RAD51B: variants seen among roughly 807,000 people sequenced by gnomAD.
The protein encoded by RAD51B is DNA repair protein RAD51 homolog 2.
Under a neutral mutation model 42.2 loss-of-function variants are expected in RAD51B, and 38 were observed. That is an observed-to-expected ratio of 0.90 (90% confidence interval 0.70 to 1.18). The LOEUF (loss-of-function observed/expected upper bound fraction) is 1.18, where lower values mean the gene tolerates loss of function less well. Ranked by LOEUF, RAD51B falls within the 50% of genes most tolerant of loss-of-function variation. The pLI is 0.00. For synonymous variants in RAD51B, 154 were observed against 145.2 expected, an observed-to-expected ratio of 1.06 and a Z score of -0.43; for missense variants, 373 against 400.7, an observed-to-expected ratio of 0.93 and a Z score of 0.59.
At chr14:67,966,556 C>T (rs1359796668) in intron 7 of RAD51B, among the ~76,000 whole-genome samples, 1 of 152,228 alleles carries the variant, frequency 6.6e-6, no homozygotes, top group Non-Finnish European at 1.5e-5. Context: ...TCCCAGCTGC[C>T]TACCCACCAA....
intron 10 of RAD51B, among the ~76,000 whole-genome samples, chr14:68,647,411 G>A (rs1324844722): frequency 4.6e-5 from 7 of 151,980 alleles, no homozygotes; most frequent in African/African-American, 1.7e-4. Context: ...TAAGATAGAG[G>A]TATTTTTGTA....
chr14:68,465,953 AAT>A (rs1421379376), intron 9 of RAD51B, among the ~76,000 whole-genome samples: 792 of 37,074 alleles, frequency 0.021, 13 homozygotes, highest in Admixed American at 0.098. Context: ...AAAAAAAAAA[AAT>A]AAATAAATAA....
chr14:68,024,984 G>A (rs1468047496), intron 7 of RAD51B, among the ~76,000 whole-genome samples: 1 of 151,988 alleles, frequency 6.6e-6, no homozygotes, highest in Admixed American at 6.6e-5. Context: ...TTGGCTGTGG[G>A]TTTGTCATAG....
chr14:68,517,014 A>C (rs903316611), intron 10 of RAD51B, among the ~76,000 whole-genome samples: 16 of 152,154 alleles, frequency 1.1e-4, no homozygotes, highest in African/African-American at 3.6e-4. Context: ...CATTTTTGAG[A>C]AAATGCCTGT....
intron 7 of RAD51B, among the ~76,000 whole-genome samples, chr14:68,024,453 C>A (rs563793550): frequency 2.6e-4 from 40 of 152,242 alleles, no homozygotes; most frequent in Middle Eastern, 3.4e-3. Context: ...TATATTGATT[C>A]TTCCAATTCA....
chr14:68,350,010 CT>C (rs1163561744), intron 8 of RAD51B, among the ~76,000 whole-genome samples: 3 of 152,210 alleles, frequency 2.0e-5, no homozygotes, highest in Non-Finnish European at 4.4e-5. Flanking sequence ...AAATCGGTGT[CT>C]TTGAAATCAA....
intron 8 of RAD51B, among the ~76,000 whole-genome samples, chr14:68,409,783 C>A (rs184506965): frequency 7.9e-5 from 12 of 152,336 alleles, no homozygotes; most frequent in Admixed American, 5.2e-4. Context: ...TGAAGGACTA[C>A]TGAAGGCATT....
chr14:68,072,235 CTA>C (rs894764530), intron 7 of RAD51B, among the ~76,000 whole-genome samples: 3 of 135,796 alleles, frequency 2.2e-5, no homozygotes, highest in South Asian at 2.3e-4. Flanking sequence ...AAATAAACTC[CTA>C]TATATATAAT....
intron 8 of RAD51B, among the ~76,000 whole-genome samples, chr14:68,349,213 C>T (rs955005571): frequency 1.3e-5 from 2 of 152,056 alleles, no homozygotes; most frequent in Non-Finnish European, 2.9e-5. Flanking sequence ...AGATGGACCT[C>T]ATTTGACATA....
chr14:68,531,556 TA>T (rs1461462109), intron 10 of RAD51B, among the ~76,000 whole-genome samples: 1 of 152,138 alleles, frequency 6.6e-6, no homozygotes, highest in Non-Finnish European at 1.5e-5. Flanking sequence ...TATATGCCCC[TA>T]AAAACATAAC....
intron 7 of RAD51B, among the ~76,000 whole-genome samples, chr14:68,017,915 G>C (rs1407341248): frequency 6.6e-6 from 1 of 152,092 alleles, no homozygotes; most frequent in Non-Finnish European, 1.5e-5. Flanking sequence ...AGATTGCAGT[G>C]AGCTGAGATC....
At chr14:68,184,601 C>A (rs1293052044) in intron 7 of RAD51B, among the ~76,000 whole-genome samples, 2 of 120,444 alleles carry the variant, frequency 1.7e-5, no homozygotes, top group African/African-American at 3.1e-5. Context: ...TAGAGCAAGG[C>A]CCTGTCTAAA....
At chr14:68,584,540 C>T (rs2140064986) in intron 10 of RAD51B, among the ~76,000 whole-genome samples, 1 of 152,330 alleles carries the variant, frequency 6.6e-6, no homozygotes, top group African/African-American at 2.4e-5. Flanking sequence ...CCCAATGTTT[C>T]CTCACCTCCA....
intron 8 of RAD51B, among the ~76,000 whole-genome samples, chr14:68,308,119 G>A (rs906710196): frequency 2.3e-4 from 35 of 152,112 alleles, no homozygotes; most frequent in African/African-American, 8.2e-4. Context: ...ATTTTCTCCT[G>A]TTGTTTTCTA....
rs183841437 is a variant in RAD51B at position 68,113,695 on chromosome 14, C to G, written c.757-178189C>G. 8 of 152,158 alleles carry G rather than the reference C, an allele frequency of 5.3e-5. No homozygotes were observed. The East Asian group carries it at 1.5e-3, about 29-fold the overall frequency. The allele number at this position is 152,158 out of a possible 1,614,324, so 9.4% of individuals were successfully genotyped here. ...GTTTTTTTTTCCATATATGAATGCTCTGATGCATACTGAGAACTGATTATC... is the reference window on the plus strand; with the variant it reads ...GTTTTTTTTTCCATATATGAATGCTGTGATGCATACTGAGAACTGATTATC... On this transcript the variant is annotated intron_variant, in intron 7 of 10. Coordinates refer to ENST00000471583, the MANE Select transcript of RAD51B (RefSeq NM_133510.4).
intron 4 of RAD51B, among the ~76,000 whole-genome samples, chr14:67,855,205 T>C (rs550259282): frequency 6.7e-6 from 1 of 149,308 alleles, no homozygotes; most frequent in East Asian, 2.1e-4. Context: ...GCCAGCATCT[T>C]AGTTTTTTCT....
intron 7 of RAD51B, among the ~76,000 whole-genome samples, chr14:67,891,898 A>G (rs953094130): frequency 3.3e-5 from 5 of 152,198 alleles, no homozygotes; most frequent in East Asian, 1.9e-4. Context: ...TATCTTAAAC[A>G]TAAATATTCA....
At chr14:67,963,027 C>G (rs929759882) in intron 7 of RAD51B, among the ~76,000 whole-genome samples, 2 of 152,014 alleles carry the variant, frequency 1.3e-5, no homozygotes, top group African/African-American at 4.8e-5. Context: ...GGGACTTTTT[C>G]ACAATTAATG....
At chr14:68,391,756 C>T (rs891428205) in intron 8 of RAD51B, among the ~76,000 whole-genome samples, 3 of 152,076 alleles carry the variant, frequency 2.0e-5, no homozygotes, top group African/African-American at 7.2e-5. Flanking sequence ...AACTTGTTGA[C>T]TCAGTTCCCA....
Sources: allele counts gnomAD v4.1 joint callset (sites outside exome capture counted in the v4.1 genomes callset), GRCh38; gene constraint gnomAD v4.1.1; transcripts MANE v1.5; gene names NCBI Gene and HGNC (gene_info 2026-07-23, HGNC 2026-07-21).